Variants in NME7 observed in about 807,000 individuals in gnomAD.
NME7 encodes NME/NM23 family member 7, also known as nucleoside diphosphate kinase 7.
In NME7, 41 loss-of-function variants were observed where a neutral mutation model predicts 49.1. The observed-to-expected ratio is 0.83, with a 90% CI of 0.65 to 1.08. The LOEUF is 1.08. Ranked by LOEUF, NME7 falls within the 50% of genes least tolerant of loss-of-function variation. The pLI is 0.00. For synonymous variants in NME7, 139 were observed against 150.6 expected, an observed-to-expected ratio of 0.92 and a Z score of 0.56; for missense variants, 423 against 463.4, an observed-to-expected ratio of 0.91 and a Z score of 0.80.
chr1:169,271,030 T>TAAAAGG (rs1269084724), intron 7 of NME7, among the ~76,000 whole-genome samples: 1 of 133,702 alleles, frequency 7.5e-6, no homozygotes, highest in African/African-American at 2.5e-5. Flanking sequence ...TCTTTCCTTT[T>TAAAAGG]AAAACCTGAG....
chr1:169,204,873 T>C (rs570396323), intron 10 of NME7, among the ~76,000 whole-genome samples: 17 of 152,144 alleles, frequency 1.1e-4, no homozygotes, highest in Non-Finnish European at 2.1e-4. Context: ...CTGTGTTCTT[T>C]GGGCAAGCTT....
intron 7 of NME7, among the ~76,000 whole-genome samples, chr1:169,282,461 T>C (rs1650061502): frequency 2.0e-5 from 3 of 152,182 alleles, no homozygotes; most frequent in Admixed American, 6.5e-5. Context: ...AGTTCTGCTC[T>C]GATGTTAGTT....
intron 10 of NME7, among the ~76,000 whole-genome samples, chr1:169,184,494 T>A (rs1660014084): frequency 6.6e-6 from 1 of 152,172 alleles, no homozygotes; most frequent in African/African-American, 2.4e-5. Context: ...TGCCTCTCCC[T>A]CTCAACTCAG....
At chr1:169,237,830 T>G in intron 7 of NME7, 143 bp from the exon 8 acceptor site, 1 of 604,630 alleles carries the variant, frequency 1.7e-6, no homozygotes, top group Non-Finnish European at 3.0e-6. Flanking sequence ...GAAACTAAAT[T>G]AAATCCCTAA....
At chr1:169,142,365 A>C (rs1232514237) in intron 11 of NME7, among the ~76,000 whole-genome samples, 1 of 152,208 alleles carries the variant, frequency 6.6e-6, no homozygotes, top group African/African-American at 2.4e-5. Flanking sequence ...ATAAGATAAG[A>C]TGTGTTGTTT....
At chr1:169,253,401 C>T (rs1198009169) in intron 7 of NME7, among the ~76,000 whole-genome samples, 14 of 151,484 alleles carry the variant, frequency 9.2e-5, no homozygotes, top group East Asian at 1.9e-4. Flanking sequence ...GTGATTTTTG[C>T]ACATTGATTT....
chr1:169,172,278 TAAAAAA>T (rs200984260), intron 10 of NME7, among the ~76,000 whole-genome samples: 1 of 101,706 alleles, frequency 9.8e-6, no homozygotes, highest in Non-Finnish European at 2.1e-5. Context: ...GTAACAAAAC[TAAAAAA>T]AAACAAAAAA....
rs147396308 is a variant in NME7, at chr1:169,193,023, C to T, written c.991-23469G>A. ...TTCAATTAAGTGCTTTTAAAAAGAT[C>T]ATGCTTGGCCAGGTGCAGTAGTTCA... On this transcript the variant is annotated intron_variant, in intron 10 of 11. Coordinates refer to ENST00000367811, the MANE Select transcript of NME7 (RefSeq NM_013330.5). 3.7e-4 allele frequency among the ~76,000 whole-genome samples: 57 copies of T among 152,046 alleles called. No individual in the cohort carries two copies. The East Asian group carries it at 0.01, about 27-fold the overall frequency.
intron 10 of NME7, among the ~76,000 whole-genome samples, chr1:169,213,859 A>G (rs1660902028): frequency 6.6e-6 from 1 of 151,840 alleles, no homozygotes; most frequent in Admixed American, 6.6e-5. Flanking sequence ...ACAAACATAC[A>G]CACACATACA....
chr1:169,289,321 AG>A (rs1448146802), intron 6 of NME7, among the ~76,000 whole-genome samples: 1 of 152,170 alleles, frequency 6.6e-6, no homozygotes, highest in East Asian at 1.9e-4. Flanking sequence ...GGAGAGCACC[AG>A]GGCTTAGTCC....
At chr1:169,337,573 G>A (rs1652530335) in intron 1 of NME7, among the ~76,000 whole-genome samples, 1 of 152,336 alleles carries the variant, frequency 6.6e-6, no homozygotes, top group Admixed American at 6.5e-5. Flanking sequence ...GCCAAAGTGG[G>A]AGCCCATGCA....
intron 3 of NME7, among the ~76,000 whole-genome samples, chr1:169,311,803 A>C (rs949871111): frequency 3.9e-5 from 6 of 152,236 alleles, no homozygotes; most frequent in African/African-American, 1.4e-4. Context: ...TAAAATTGAC[A>C]AACAGCTTAA....
chr1:169,173,592 A>T (rs1310453396), intron 10 of NME7, among the ~76,000 whole-genome samples: 1 of 152,194 alleles, frequency 6.6e-6, no homozygotes, highest in Non-Finnish European at 1.5e-5. Context: ...TTTGATTAGT[A>T]TAAAATATCA....
In NME7 at chr1:169,318,986, A is replaced by G. The variant is rs35870776; in HGVS notation, c.278+4131T>C. 2.5e-3 allele frequency among the ~76,000 whole-genome samples: 375 copies of G among 152,134 alleles called. 4 individuals are homozygous for G. Among genetic ancestry groups the G allele is most frequent in the Middle Eastern group, 6.8e-3 (2 of 294 alleles). ...AATTTATTCCAGTTGGGATGGAAGA[A>G]CAGAAGAGGTACATTTTTTGTATTT... On this transcript the variant is annotated intron_variant, in intron 3 of 11. Transcript: ENST00000367811.
chr1:169,314,458 T>C (rs1651531440), intron 3 of NME7, among the ~76,000 whole-genome samples: 2 of 151,658 alleles, frequency 1.3e-5, no homozygotes, highest in Non-Finnish European at 2.9e-5. Context: ...AAAAAATAGA[T>C]GAAAAAAATC....
rs542997449 is a variant in NME7, at chr1:169,279,922, T to C, written c.754+7381A>G. ...TATTGTGAATAGTGCTGCGTTAACA[T>C]ACATGTGAATCTGTCTTTACAGCAG... is the stretch of plus-strand genomic sequence containing the variant. On this transcript the variant is annotated intron_variant, in intron 7 of 11. Coordinates refer to ENST00000367811, the MANE Select transcript of NME7 (RefSeq NM_013330.5). Among the ~76,000 whole-genome samples the C allele has an allele frequency of 2.6e-4, 40 of 152,354 alleles. 1 individual carries two copies. The highest frequency in any genetic ancestry group is 9.4e-4 in the African/African-American group (39 of 41,584).
intron 10 of NME7, among the ~76,000 whole-genome samples, chr1:169,187,796 T>C (rs923926408): frequency 6.6e-6 from 1 of 152,010 alleles, no homozygotes; most frequent in Admixed American, 6.6e-5. Context: ...TGTCATTAGC[T>C]AGCTGGGGTT....
intron 10 of NME7, among the ~76,000 whole-genome samples, chr1:169,188,460 G>A (rs1441820655): frequency 6.6e-6 from 1 of 152,102 alleles, no homozygotes; most frequent in Non-Finnish European, 1.5e-5. Flanking sequence ...GTCCTGCCTG[G>A]GTACTCCCTC....
At chr1:169,135,239 T>TA (rs1362213251) in intron 11 of NME7, among the ~76,000 whole-genome samples, 1 of 151,886 alleles carries the variant, frequency 6.6e-6, no homozygotes, top group African/African-American at 2.4e-5. Flanking sequence ...TTTAGAACAA[T>TA]AGCATGCCCT....
Sources: gnomAD v4.1 joint callset for allele counts (sites outside exome capture counted in the v4.1 genomes callset) on GRCh38, gnomAD v4.1.1 for gene constraint, MANE v1.5 for transcripts, NCBI Gene and HGNC (gene_info 2026-07-23, HGNC 2026-07-21) for gene names.